Variants in SIAH3 observed in about 807,000 individuals in gnomAD.
SIAH3 encodes seven in absentia homolog 3.
A neutral mutation model predicts 12.6 loss-of-function variants in SIAH3; 9 were observed. The observed-to-expected ratio is 0.72, with a 90% CI of 0.43 to 1.25. The LOEUF (loss-of-function observed/expected upper bound fraction) is 1.25. SIAH3 is among the 50% of genes most tolerant of loss of function. SIAH3 has a pLI of 0.00. For missense variants in SIAH3, 390 were observed against 365.4 expected (o/e 1.07, Z -0.55); for synonymous variants, 154 against 151.1 (o/e 1.02, Z -0.14).
chr13:45,827,464 T>C (rs1174993099), intron 1 of SIAH3, among the ~76,000 whole-genome samples: 3 of 152,258 alleles, frequency 2.0e-5, no homozygotes, highest in African/African-American at 7.2e-5. Flanking sequence ...ACCATTCTGC[T>C]ATTTATAACT....
intron 1 of SIAH3, among the ~76,000 whole-genome samples, chr13:45,842,331 ACACTTTAT>A (rs1437068820): frequency 6.6e-6 from 1 of 152,180 alleles, no homozygotes; most frequent in Non-Finnish European, 1.5e-5. Flanking sequence ...GCTGTGCTGA[ACACTTTAT>A]ATAAATCATA....
At chr13:45,789,972 G>A (rs1010658625) in intron 1 of SIAH3, among the ~76,000 whole-genome samples, 5 of 152,140 alleles carry the variant, frequency 3.3e-5, no homozygotes, top group Non-Finnish European at 5.9e-5. Context: ...GAAATGAGTG[G>A]TTTTCGAGCT....
intron 1 of SIAH3, among the ~76,000 whole-genome samples, chr13:45,846,434 A>G (rs564095763): frequency 1.3e-5 from 2 of 152,298 alleles, no homozygotes; most frequent in South Asian, 4.1e-4. Flanking sequence ...TAAGGTCTCC[A>G]TTCTTTGGGT....
At chr13:45,829,537 A>G (rs1950691029) in intron 1 of SIAH3, among the ~76,000 whole-genome samples, 1 of 152,164 alleles carries the variant, frequency 6.6e-6, no homozygotes, top group Non-Finnish European at 1.5e-5. Context: ...TGAGCCCAAA[A>G]GGTCAAGGCT....
intron 1 of SIAH3, among the ~76,000 whole-genome samples, chr13:45,849,280 C>G (rs530103016): frequency 6.6e-6 from 1 of 152,016 alleles, no homozygotes; most frequent in Non-Finnish European, 1.5e-5. Context: ...TTTTTGTGTG[C>G]GAAATGAAAA....
Position 45,825,423 on chromosome 13 carries a change from C to T in SIAH3, c.135+26072G>A, listed in dbSNP as rs1950670477. Among the ~76,000 whole-genome samples the T allele has an allele frequency of 2.0e-5, 3 of 152,278 alleles. No homozygotes were observed. In the South Asian group the frequency reaches 6.2e-4, roughly 32 times the overall value. ...GGGAATGTGGATGATGGAGAAAAGA[C>T]CTCACACCACACTCTTCCCCAGAAA... is the stretch of plus-strand genomic sequence containing the variant. On this transcript the variant is annotated intron_variant, in intron 1 of 1. Coordinates refer to ENST00000400405, the MANE Select transcript of SIAH3 (RefSeq NM_198849.3).
intron 1 of SIAH3, among the ~76,000 whole-genome samples, chr13:45,814,854 C>G (rs143968612): frequency 0.018 from 2,725 of 152,122 alleles, 90 homozygotes; most frequent in African/African-American, 0.061. Flanking sequence ...TCCAGAGTAG[C>G]TGGGATTATA....
chr13:45,831,624 T>C (rs1201602941), intron 1 of SIAH3, among the ~76,000 whole-genome samples: 1 of 152,022 alleles, frequency 6.6e-6, no homozygotes, highest in African/African-American at 2.4e-5. Context: ...AGGGACACCA[T>C]AGAAACACAA....
chr13:45,781,611 A>C lies in SIAH3; in HGVS notation c.*1772T>G, dbSNP rs1272744068. ...TTTGCCCCTCTCAGGGCTCTGACGG[A>C]ATGCAGTCTCAGCCCCAGGGGCCCA... On this transcript the variant is annotated 3_prime_UTR_variant, in exon 2 of 2. Transcript: ENST00000400405. The C allele has an allele frequency of 6.6e-6, 1 of 152,208 alleles. No homozygotes were observed. Among genetic ancestry groups the C allele is most frequent in the Non-Finnish European group, 1.5e-5 (1 of 68,058 alleles). 9.4% of individuals were successfully genotyped at this position (152,208 alleles called of 1,614,324 possible). A position where few individuals can be genotyped will look rare whatever the true frequency, so the allele number is the denominator to read the frequency against.
In SIAH3 at chr13:45,850,110, A is replaced by G. The variant is rs368564260; in HGVS notation, c.135+1385T>C. On this transcript the variant is annotated intron_variant, in intron 1 of 1. Coordinates refer to ENST00000400405, the MANE Select transcript of SIAH3 (RefSeq NM_198849.3). ...AGCAAGAGCAGGTGTGAACGGTTGCATGCGATGGCATTCGTCACAGCTGGG... is the reference window on the plus strand; with the variant it reads ...AGCAAGAGCAGGTGTGAACGGTTGCGTGCGATGGCATTCGTCACAGCTGGG... Among the ~76,000 whole-genome samples the G allele has an allele frequency of 1.9e-4, 29 of 152,356 alleles. No homozygotes were observed. In the East Asian group the frequency reaches 3.5e-3, roughly 18 times the overall value.
intron 1 of SIAH3, among the ~76,000 whole-genome samples, chr13:45,820,634 C>T (rs542029494): frequency 1.3e-5 from 2 of 152,258 alleles, no homozygotes; most frequent in South Asian, 2.1e-4. Context: ...TTCCCTCCAG[C>T]CCTCCTCCCA....
intron 1 of SIAH3, among the ~76,000 whole-genome samples, chr13:45,824,889 C>A (rs202120066): frequency 1.3e-5 from 2 of 149,136 alleles, no homozygotes; most frequent in African/African-American, 2.5e-5. Context: ...AAAAAAAAAA[C>A]AAAAAAAACA....
At chr13:45,824,374 C>G (rs1456767987) in intron 1 of SIAH3, among the ~76,000 whole-genome samples, 1 of 152,190 alleles carries the variant, frequency 6.6e-6, no homozygotes, top group East Asian at 1.9e-4. Flanking sequence ...GGACCTGCCC[C>G]CCTTGCTGCT....
intron 1 of SIAH3, among the ~76,000 whole-genome samples, chr13:45,802,614 C>T (rs1426152902): frequency 1.3e-5 from 2 of 152,074 alleles, no homozygotes; most frequent in African/African-American, 4.8e-5. Context: ...TGGGATAGGC[C>T]GTGGGGACAC....
At chr13:45,798,972 A>G (rs1457370842) in intron 1 of SIAH3, among the ~76,000 whole-genome samples, 1 of 152,206 alleles carries the variant, frequency 6.6e-6, no homozygotes, top group Non-Finnish European at 1.5e-5. Context: ...TCCCAGATCT[A>G]CTAATGTACC....
chr13:45,843,377 G>A (rs754776528), intron 1 of SIAH3, among the ~76,000 whole-genome samples: 5 of 151,948 alleles, frequency 3.3e-5, no homozygotes, highest in Non-Finnish European at 5.9e-5. Flanking sequence ...TATACTCTTC[G>A]AATCAGATAC....
chr13:45,806,660 C>T (rs1439342493), intron 1 of SIAH3, among the ~76,000 whole-genome samples: 2 of 152,158 alleles, frequency 1.3e-5, no homozygotes, highest in Non-Finnish European at 2.9e-5. Context: ...TATACCAAGC[C>T]TTAGTGACAC....
At chr13:45,846,441 G>C (rs1362686471) in intron 1 of SIAH3, among the ~76,000 whole-genome samples, 1 of 152,068 alleles carries the variant, frequency 6.6e-6, no homozygotes, top group Non-Finnish European at 1.5e-5. Flanking sequence ...TCCATTCTTT[G>C]GGTTGATTCC....
intron 1 of SIAH3, among the ~76,000 whole-genome samples, chr13:45,829,827 AG>A (rs1281841530): frequency 6.6e-6 from 1 of 152,030 alleles, no homozygotes; most frequent in African/African-American, 2.4e-5. Context: ...ACTCCTATTT[AG>A]GGCAGCAATT....
Sources: allele counts gnomAD v4.1 joint callset (sites outside exome capture counted in the v4.1 genomes callset), GRCh38; gene constraint gnomAD v4.1.1; transcripts MANE v1.5; gene names NCBI Gene and HGNC (gene_info 2026-07-23, HGNC 2026-07-21).